SPIDR: variants seen among roughly 807,000 people sequenced by gnomAD.
SPIDR encodes scaffold protein involved in DNA repair.
Under a neutral mutation model 104.6 loss-of-function variants are expected in SPIDR, and 93 were observed. That is an observed-to-expected ratio of 0.89 (90% CI 0.75 to 1.06). SPIDR has a LOEUF of 1.06. Ranked by LOEUF, SPIDR falls within the 50% of genes least tolerant of loss-of-function variation. SPIDR has a pLI of 0.00. For synonymous variants in SPIDR, 431 were observed against 416.9 expected (o/e 1.03, Z -0.41); for missense variants, 1,154 against 1,111.2 (o/e 1.04, Z -0.55).
intron 7 of SPIDR, among the ~76,000 whole-genome samples, chr8:47,422,483 C>A (rs1554681631): frequency 1.3e-5 from 2 of 152,216 alleles, no homozygotes; most frequent in East Asian, 3.8e-4. Flanking sequence ...GTGGGAGTGA[C>A]CCGATTTTCC....
chr8:47,385,610 C>T (rs1426343135), intron 5 of SPIDR, among the ~76,000 whole-genome samples: 2 of 152,206 alleles, frequency 1.3e-5, no homozygotes, highest in African/African-American at 2.4e-5. Context: ...GTGCTTCTGC[C>T]GGCCTGTGGT....
intron 8 of SPIDR, among the ~76,000 whole-genome samples, chr8:47,444,342 G>A (rs992832631): frequency 4.6e-5 from 7 of 152,332 alleles, no homozygotes; most frequent in African/African-American, 1.7e-4. Flanking sequence ...GTGTGTGAGA[G>A]TGTATCCAGA....
intron 8 of SPIDR, among the ~76,000 whole-genome samples, chr8:47,448,811 G>A (rs1554703815): frequency 6.6e-6 from 1 of 152,098 alleles, no homozygotes; most frequent in African/African-American, 2.4e-5. Context: ...GAGGGCATTT[G>A]GAGTAGAGGA....
chr8:47,452,622 T>TC (rs2072033103), intron 8 of SPIDR, among the ~76,000 whole-genome samples: 1 of 152,182 alleles, frequency 6.6e-6, no homozygotes, highest in Non-Finnish European at 1.5e-5. Context: ...CACATCATTA[T>TC]CTCAATAGAT....
At chr8:47,377,072 G>T (rs1199854411) in intron 5 of SPIDR, among the ~76,000 whole-genome samples, 8 of 152,106 alleles carry the variant, frequency 5.3e-5, no homozygotes, top group African/African-American at 1.9e-4. Context: ...AGAAAAGCTT[G>T]CTGACCCCTG....
At chr8:47,499,659 T>C (rs2080046302) in intron 8 of SPIDR, among the ~76,000 whole-genome samples, 1 of 152,132 alleles carries the variant, frequency 6.6e-6, no homozygotes, top group Non-Finnish European at 1.5e-5. Context: ...TATTATACTT[T>C]TAAGTTTTAG....
intron 17 of SPIDR, among the ~76,000 whole-genome samples, 183 bp downstream of exon 17, chr8:47,727,476 T>A (rs1452156322): frequency 1.3e-5 from 2 of 152,164 alleles, no homozygotes; most frequent in African/African-American, 4.8e-5. Context: ...TTACTGAGAT[T>A]TCTGCTGTTT....
intron 11 of SPIDR, among the ~76,000 whole-genome samples, chr8:47,698,939 A>G (rs2079732412): frequency 1.3e-5 from 2 of 152,172 alleles, no homozygotes; most frequent in South Asian, 4.1e-4. Flanking sequence ...ACTTCGCAGA[A>G]CACTTTTTGG....
chr8:47,537,255 G>A (rs1319314369), intron 8 of SPIDR, among the ~76,000 whole-genome samples: 1 of 152,192 alleles, frequency 6.6e-6, no homozygotes, highest in South Asian at 2.1e-4. Flanking sequence ...ATACAAACAT[G>A]AGCATAAATG....
At chr8:47,578,053 ATAACT>A (rs921554807) in intron 8 of SPIDR, among the ~76,000 whole-genome samples, 6 of 152,374 alleles carry the variant, frequency 3.9e-5, no homozygotes, top group East Asian at 1.9e-4. Context: ...GGTTGGAATG[ATAACT>A]TAAAGACTAA....
chr8:47,673,575 G>C, intron 10 of SPIDR: 4 of 591,652 alleles, frequency 6.8e-6, no homozygotes, highest in Non-Finnish European at 9.0e-6. Flanking sequence ...ATACAGAAAG[G>C]ATATCTTGAA....
At chr8:47,295,435 T>G (rs2040666288) in intron 5 of SPIDR, among the ~76,000 whole-genome samples, 2 of 152,216 alleles carry the variant, frequency 1.3e-5, no homozygotes, top group Non-Finnish European at 2.9e-5. Context: ...TTGTATCCTT[T>G]AGTCAGCATC....
chr8:47,522,717 A>G (rs1233837147), intron 8 of SPIDR, among the ~76,000 whole-genome samples: 1 of 152,258 alleles, frequency 6.6e-6, no homozygotes, highest in East Asian at 1.9e-4. Context: ...TGCAATTTTT[A>G]AAAACATGGT....
At chr8:47,295,474 C>T (rs1479464993) in intron 5 of SPIDR, among the ~76,000 whole-genome samples, 1 of 152,134 alleles carries the variant, frequency 6.6e-6, no homozygotes, top group African/African-American at 2.4e-5. Context: ...TTTTCTCTCC[C>T]AGCCTCTGGT....
intron 5 of SPIDR, among the ~76,000 whole-genome samples, chr8:47,349,711 C>A (rs956189872): frequency 3.9e-5 from 6 of 152,258 alleles, no homozygotes; most frequent in South Asian, 4.1e-4. Flanking sequence ...TGCCACCTCG[C>A]AGTTCTATCT....
chr8:47,272,230 G>T (rs1190964422), intron 1 of SPIDR, among the ~76,000 whole-genome samples: 6 of 152,098 alleles, frequency 3.9e-5, no homozygotes, highest in Admixed American at 3.3e-4. Flanking sequence ...GCCTCCCAAA[G>T]TGCTGGGGTT....
At chr8:47,329,705 A>T (rs1394765320) in intron 5 of SPIDR, among the ~76,000 whole-genome samples, 1 of 152,126 alleles carries the variant, frequency 6.6e-6, no homozygotes, top group Non-Finnish European at 1.5e-5. Flanking sequence ...TTATTAGTAT[A>T]ATTTTGTCTT....
chr8:47,566,897 G>T (rs1282554383), intron 8 of SPIDR, among the ~76,000 whole-genome samples: 2 of 151,872 alleles, frequency 1.3e-5, no homozygotes, highest in Non-Finnish European at 2.9e-5. Flanking sequence ...TGATACTGTG[G>T]AAGTGATATT....
chr8:47,595,067 C>G (rs1442951045), intron 8 of SPIDR, among the ~76,000 whole-genome samples: 4 of 152,050 alleles, frequency 2.6e-5, no homozygotes, highest in Non-Finnish European at 5.9e-5. Flanking sequence ...GTCCTGAGGT[C>G]TCTAGGTTTT....
Sources: allele counts gnomAD v4.1 joint callset (sites outside exome capture counted in the v4.1 genomes callset), GRCh38; gene constraint gnomAD v4.1.1; transcripts MANE v1.5; gene names NCBI Gene and HGNC (gene_info 2026-07-23, HGNC 2026-07-21).